MTG2: variants seen among roughly 807,000 people sequenced by gnomAD.
MTG2 encodes the protein mitochondrial ribosome associated GTPase 2, also known as mitochondrial ribosome-associated GTPase 2.
Under a neutral mutation model 28.6 loss-of-function variants are expected in MTG2, and 23 were observed. That is an observed-to-expected ratio of 0.80 (90% CI 0.58 to 1.14). The LOEUF is 1.14. Among genes scored for constraint, MTG2 ranks in the 50% most tolerant of loss-of-function variants. MTG2 has a pLI of 0.00. For synonymous variants in MTG2, 260 were observed against 251.8 expected, an observed-to-expected ratio of 1.03 and a Z score of -0.31; for missense variants, 539 against 552.0, an observed-to-expected ratio of 0.98 and a Z score of 0.24.
In MTG2 at chr20:62,200,725, G is replaced by A. The variant is rs1208109319; in HGVS notation, c.869G>A (p.Arg290Lys). The A allele has an allele frequency of 1.9e-6, 3 of 1,613,072 alleles. No homozygotes were observed. The highest frequency in any genetic ancestry group is 2.5e-6 in the Non-Finnish European group (3 of 1,179,982). The change falls in exon 7 of 7, where the codon AGG (arginine) becomes AAG (lysine). Residue 290 changes from arginine (R) to lysine (K), a missense_variant. By Grantham distance (26) the Arg-to-Lys change is conservative (BLOSUM62 2). Coordinates refer to ENST00000370823, the MANE Select transcript of MTG2 (RefSeq NM_015666.4). ...PGIIRGAHQN[R>K]GLGSAFLRHI... ...ATCATACGAGGCGCCCACCAGAACA[G>A]GGGTCTGGGGTCCGCCTTCCTCAGG...
intron 1 of MTG2, among the ~76,000 whole-genome samples, chr20:62,192,352 G>T (rs2057976879): frequency 6.6e-6 from 1 of 152,230 alleles, no homozygotes; most frequent in Non-Finnish European, 1.5e-5. Flanking sequence ...CAGGCAGGCA[G>T]CTGGGTGAGG....
chr20:62,191,922 G>A (rs2145841754), intron 1 of MTG2, among the ~76,000 whole-genome samples: 1 of 152,356 alleles, frequency 6.6e-6, no homozygotes, highest in African/African-American at 2.4e-5. Context: ...ATGAGTGACA[G>A]CTTAAATGAG....
intron 1 of MTG2, among the ~76,000 whole-genome samples, chr20:62,188,508 A>ATTTTTTTT (rs1192106476): frequency 3.3e-4 from 30 of 89,722 alleles, no homozygotes; most frequent in Non-Finnish European, 4.5e-4. Context: ...TAATCAGCTA[A>ATTTTTTTT]TTTTTTTTTT....
chr20:62,185,455 A>G (rs1241508258), intron 1 of MTG2, among the ~76,000 whole-genome samples: 2 of 152,004 alleles, frequency 1.3e-5, no homozygotes, highest in East Asian at 3.9e-4. Flanking sequence ...ATATACACAT[A>G]CATATATATA....
intron 1 of MTG2, among the ~76,000 whole-genome samples, chr20:62,190,914 G>A (rs1415015732): frequency 2.0e-5 from 3 of 152,204 alleles, no homozygotes; most frequent in South Asian, 2.1e-4. Flanking sequence ...GAGGTGGCCC[G>A]GCACGGGAAC....
intron 3 of MTG2, among the ~76,000 whole-genome samples, chr20:62,197,026 C>T (rs139317757): frequency 6.6e-6 from 1 of 151,708 alleles, no homozygotes; most frequent in African/African-American, 2.4e-5. Flanking sequence ...GAGTGAAACT[C>T]CGTCTCAAAA....
At chr20:62,192,628 C>T (rs1370819783) in intron 1 of MTG2, among the ~76,000 whole-genome samples, 1 of 152,120 alleles carries the variant, frequency 6.6e-6, no homozygotes, top group African/African-American at 2.4e-5. Flanking sequence ...TGATGACCAG[C>T]CCCCTCCCAA....
At chr20:62,200,539 T>C (rs1305974607) in intron 6 of MTG2, 144 bp from the exon 7 acceptor site, 20 of 901,404 alleles carry the variant, frequency 2.2e-5, no homozygotes, top group Non-Finnish European at 1.6e-6. Context: ...GTTCAAGGCG[T>C]TCCTTGAAAG....
intron 6 of MTG2, 132 bp from the exon 7 acceptor site, chr20:62,200,551 A>G (rs868254011): frequency 1.6e-5 from 18 of 1,130,586 alleles, no homozygotes; most frequent in Non-Finnish European, 2.0e-5. Flanking sequence ...CCTTGAAAGG[A>G]AAGTGTTAGA....
At chr20:62,194,410 T>C (rs983468122) in intron 2 of MTG2, among the ~76,000 whole-genome samples, 1 of 152,078 alleles carries the variant, frequency 6.6e-6, no homozygotes, top group African/African-American at 2.4e-5. Context: ...AGAAAGTGAG[T>C]CGAGGTTTTG....
Position 62,193,550 on chromosome 20 carries a change from C to T in MTG2, c.130C>T (p.Leu44Phe), listed in dbSNP as rs2058001853. 6 of 1,614,050 alleles carry T rather than the reference C, an allele frequency of 3.7e-6. No individual in the cohort carries two copies. The highest frequency in any genetic ancestry group is 5.1e-6 in the Non-Finnish European group (6 of 1,180,018). The change falls in exon 2 of 7, where the codon CTC becomes TTC. Residue 44 changes from leucine (L) to phenylalanine (F), a missense_variant. Physicochemically the swap from Leu to Phe is conservative, Grantham distance 22 (BLOSUM62 0). Coordinates refer to ENST00000370823, the MANE Select transcript of MTG2 (RefSeq NM_015666.4). ...GCCACAGCGGGCTTCTCCCAGGCTG[C>T]TCTCGGTCGGCCGTGCGGACCTCGC... ...LLPQRASPRL[L>F]SVGRADLAKH... is the part of the protein sequence containing the mutation.
chr20:62,193,720 G>A, intron 2 of MTG2, 96 bp downstream of exon 2: 2 of 1,164,206 alleles, frequency 1.7e-6, no homozygotes, highest in Admixed American at 2.7e-5. Flanking sequence ...CTCTGTTGAT[G>A]TTAGTTGATG....
At position 62,189,304 on chromosome 20, in the gene MTG2, C is replaced by CA. The variant is rs57267780; in HGVS notation, c.-5-4100dup. Among the ~76,000 whole-genome samples, 789 of 132,790 alleles carry CA rather than the reference C, an allele frequency of 5.9e-3. 5 individuals are homozygous for CA. Among genetic ancestry groups the CA allele is most frequent in the African/African-American group, 0.02 (723 of 36,182 alleles). 87.1% of individuals were successfully genotyped at this position (132,790 alleles called of 152,430 possible). A position where few individuals can be genotyped will look rare whatever the true frequency, so the allele number is the denominator to read the frequency against. ...TGGGTGACAGAGTGAGACTCTGTCT[C>CA]AAAAAAAAAAAAGAAAAAAAAGTGT... On this transcript the variant is annotated intron_variant, in intron 1 of 6. Coordinates refer to ENST00000370823, the MANE Select transcript of MTG2 (RefSeq NM_015666.4).
intron 1 of MTG2, among the ~76,000 whole-genome samples, chr20:62,191,809 G>C (rs2057965937): frequency 6.6e-6 from 1 of 152,198 alleles, no homozygotes; most frequent in Non-Finnish European, 1.5e-5. Context: ...TGTGCTCATG[G>C]TGAAGGGAGA....
rs370429275 is a variant in MTG2 at position 62,197,879 on chromosome 20, C to T, written c.380C>T (p.Ser127Leu). 9 of 1,614,106 alleles carry T rather than the reference C, an allele frequency of 5.6e-6. No individual in the cohort carries two copies. The highest frequency in any genetic ancestry group is 4.4e-5 in the South Asian group (4 of 91,092). The change falls in exon 4 of 7, where the codon TCG becomes TTG. Residue 127 changes from serine (S) to leucine (L), a missense_variant. Physicochemically the swap from Ser to Leu is moderately radical, Grantham distance 145. Transcript: ENST00000370823. Reference sequence around the variant, plus strand: ...GACCAGCAAGTCAAGTCCCTGTCGTCGGTCCTGTCGCGGTACCAGGGTTTC... The same window carrying T: ...GACCAGCAAGTCAAGTCCCTGTCGTTGGTCCTGTCGCGGTACCAGGGTTTC... The part of the protein sequence containing the change: ...RVDQQVKSLS[S>L]VLSRYQGFSG...
intron 1 of MTG2, among the ~76,000 whole-genome samples, chr20:62,192,883 G>A (rs759520768): frequency 5.3e-5 from 8 of 152,262 alleles, no homozygotes; most frequent in South Asian, 4.2e-4. Flanking sequence ...AGCTCAGCCC[G>A]TCCTCACCCA....
intron 1 of MTG2, among the ~76,000 whole-genome samples, chr20:62,192,667 C>T (rs762843231): frequency 6.6e-6 from 1 of 152,138 alleles, no homozygotes; most frequent in Non-Finnish European, 1.5e-5. Flanking sequence ...CAAGAGGTGC[C>T]TCATTAGAAC....
At chr20:62,185,707 T>C (rs2057829809) in intron 1 of MTG2, among the ~76,000 whole-genome samples, 1 of 152,190 alleles carries the variant, frequency 6.6e-6, no homozygotes, top group African/African-American at 2.4e-5. Context: ...TACCCACTCG[T>C]GACATGTGGC....
chr20:62,195,687 C>G, intron 2 of MTG2, 115 bp from the exon 3 acceptor site: 1 of 1,254,936 alleles, frequency 8.0e-7, no homozygotes, highest in Non-Finnish European at 1.1e-6. Context: ...GTGTCATTAA[C>G]CTCTAATTTT....
Sources: gnomAD v4.1 joint callset for allele counts (sites outside exome capture counted in the v4.1 genomes callset) on GRCh38, gnomAD v4.1.1 for gene constraint, MANE v1.5 for transcripts, NCBI Gene and HGNC (gene_info 2026-07-23, HGNC 2026-07-21) for gene names.